Variants in ZDHHC5 observed in about 807,000 individuals in gnomAD.
ZDHHC5 encodes palmitoyltransferase ZDHHC5.
Under a neutral mutation model 70.0 loss-of-function variants are expected in ZDHHC5, and 22 were observed. That is an observed-to-expected ratio of 0.31 (90% confidence interval 0.22 to 0.45). The LOEUF (loss-of-function observed/expected upper bound fraction) is 0.45. Among genes scored for constraint, ZDHHC5 ranks in the 20% least tolerant of loss-of-function variants. The probability of loss-of-function intolerance (pLI) is 1.00; values close to 1 mark genes in which losing one functional copy is unlikely to be tolerated. For synonymous variants in ZDHHC5, 313 were observed against 347.8 expected (o/e 0.90, Z 1.11); for missense variants, 746 against 926.9 (o/e 0.80, Z 2.53).
At chr11:57,680,671 A>G (rs1946138384) in intron 2 of ZDHHC5, among the ~76,000 whole-genome samples, 2 of 152,190 alleles carry the variant, frequency 1.3e-5, no homozygotes, top group South Asian at 4.1e-4. Flanking sequence ...TTGAAGTGAC[A>G]ACTTAGTACT....
intron 4 of ZDHHC5, among the ~76,000 whole-genome samples, chr11:57,689,630 C>A (rs1946254820): frequency 2.0e-5 from 3 of 151,882 alleles, no homozygotes; most frequent in Non-Finnish European, 2.9e-5. Context: ...CCCGCCTCGG[C>A]CTCTCAAAGT....
intron 1 of ZDHHC5, among the ~76,000 whole-genome samples, chr11:57,670,547 C>G (rs143513329): frequency 6.6e-6 from 1 of 151,958 alleles, no homozygotes; most frequent in East Asian, 1.9e-4. Flanking sequence ...GCCTACATTC[C>G]AAATGTTAGG....
intron 3 of ZDHHC5, among the ~76,000 whole-genome samples, chr11:57,686,245 C>T (rs561437530): frequency 6.6e-6 from 1 of 152,158 alleles, no homozygotes; most frequent in Admixed American, 6.5e-5. Flanking sequence ...CACAGCACTC[C>T]AGCCTGGGTG....
chr11:57,691,348 T>TTTTA (rs918733185), intron 6 of ZDHHC5, among the ~76,000 whole-genome samples: 29 of 152,064 alleles, frequency 1.9e-4, no homozygotes, highest in African/African-American at 3.9e-4. Context: ...CTAAAATATC[T>TTTTA]TTTATTTATT....
At chr11:57,680,560 C>G (rs10896636) in intron 2 of ZDHHC5, among the ~76,000 whole-genome samples, 39,507 of 152,098 alleles carry the variant, frequency 0.26, 6,013 homozygotes, top group Non-Finnish European at 0.35. Flanking sequence ...ATCATGGGCA[C>G]CTCAGTGTTC....
At chr11:57,675,851 T>C (rs941755447) in intron 2 of ZDHHC5, among the ~76,000 whole-genome samples, 1 of 152,216 alleles carries the variant, frequency 6.6e-6, no homozygotes, top group Admixed American at 6.5e-5. Context: ...TTCAGTTCCC[T>C]GGAGAATCCC....
At chr11:57,687,685 G>T (rs1204216800) in intron 3 of ZDHHC5, among the ~76,000 whole-genome samples, 1 of 150,382 alleles carries the variant, frequency 6.6e-6, no homozygotes, top group Non-Finnish European at 1.5e-5. Flanking sequence ...ATTTATGCTT[G>T]TGCAACAAAT....
intron 6 of ZDHHC5, among the ~76,000 whole-genome samples, chr11:57,692,285 T>C (rs555174230): frequency 2.9e-4 from 44 of 152,308 alleles, no homozygotes; most frequent in African/African-American, 1.1e-3. Context: ...CCTCCCAAAG[T>C]GCTGGGATTA....
chr11:57,681,241 C>G (rs1414176227), intron 2 of ZDHHC5, among the ~76,000 whole-genome samples: 1 of 152,090 alleles, frequency 6.6e-6, no homozygotes, highest in East Asian at 1.9e-4. Flanking sequence ...GTGCAGATAC[C>G]TTTTCTTCAC....
At chr11:57,678,221 T>C (rs1704072157) in intron 2 of ZDHHC5, among the ~76,000 whole-genome samples, 1 of 152,150 alleles carries the variant, frequency 6.6e-6, no homozygotes, top group Admixed American at 6.5e-5. Flanking sequence ...GGTGGAATAA[T>C]TGATGATGAT....
intron 3 of ZDHHC5, among the ~76,000 whole-genome samples, chr11:57,685,854 CCTGT>C (rs1946202190): frequency 6.6e-6 from 1 of 151,616 alleles, no homozygotes; most frequent in African/African-American, 2.4e-5. Flanking sequence ...ATGGAGAAAC[CCTGT>C]CTCTACTAAA....
At position 57,672,740 on chromosome 11, in the gene ZDHHC5, T is replaced by C; in HGVS notation, c.-351T>C. ...TCCATGAGCTGTATCTTGATCTGTC[T>C]GACTGTCCATGTTTTCCACCTGCAA... On this transcript the variant is annotated 5_prime_UTR_variant, in exon 2 of 12. Coordinates refer to ENST00000287169, the MANE Select transcript of ZDHHC5 (RefSeq NM_015457.3). 1 of 234,470 alleles carries C rather than the reference T, an allele frequency of 4.3e-6. No individual in the cohort carries two copies. The highest frequency in any genetic ancestry group is 6.8e-5 in the South Asian group (1 of 14,644). 14.5% of individuals were successfully genotyped at this position (234,470 alleles called of 1,614,324 possible).
In ZDHHC5 at chr11:57,684,086, C is replaced by T. The variant is rs1019116273; in HGVS notation, c.226+1543C>T. Among the ~76,000 whole-genome samples the T allele has an allele frequency of 1.6e-4, 24 of 151,952 alleles. 1 individual carries two copies. Among genetic ancestry groups the T allele is most frequent in the African/African-American group, 5.3e-4 (22 of 41,422 alleles). On this transcript the variant is annotated intron_variant, in intron 3 of 11. Transcript: ENST00000287169. ...CCCCCCTGGCTCAGGTGATCTCCCA[C>T]CTCAGCCTCCAGAATTGCTGGGACT...
intron 6 of ZDHHC5, among the ~76,000 whole-genome samples, chr11:57,691,244 G>A (rs1186694555): frequency 6.6e-6 from 1 of 151,994 alleles, no homozygotes; most frequent in Non-Finnish European, 1.5e-5. Context: ...ACTAATTTTT[G>A]TATTTTTAGT....
chr11:57,676,737 TA>T (rs1395195996), intron 2 of ZDHHC5, among the ~76,000 whole-genome samples: 1 of 152,080 alleles, frequency 6.6e-6, no homozygotes, highest in Non-Finnish European at 1.5e-5. Flanking sequence ...ATCGCCTCTT[TA>T]CCGTGTAGGA....
chr11:57,691,205 G>C (rs1448078969), intron 6 of ZDHHC5, among the ~76,000 whole-genome samples: 2 of 152,104 alleles, frequency 1.3e-5, no homozygotes, highest in Non-Finnish European at 2.9e-5. Flanking sequence ...CCAAGTAGCT[G>C]AGATTACAGA....
chr11:57,692,837 C>CT, intron 7 of ZDHHC5, 135 bp downstream of exon 7: 1 of 823,802 alleles, frequency 1.2e-6, no homozygotes, highest in Non-Finnish European at 1.9e-6. Flanking sequence ...AGTACCCACT[C>CT]TATCTTAGAA....
intron 3 of ZDHHC5, among the ~76,000 whole-genome samples, chr11:57,686,199 C>T (rs971251062): frequency 6.6e-6 from 1 of 152,076 alleles, no homozygotes; most frequent in African/African-American, 2.4e-5. Flanking sequence ...TCAGTTGAGC[C>T]CAGGAGTTCA....
At chr11:57,683,159 G>A (rs1188161253) in intron 3 of ZDHHC5, among the ~76,000 whole-genome samples, 4 of 152,186 alleles carry the variant, frequency 2.6e-5, no homozygotes, top group Non-Finnish European at 5.9e-5. Context: ...GTTATGCATG[G>A]TGTGACCAGA....
Sources: gnomAD v4.1 joint callset for allele counts (sites outside exome capture counted in the v4.1 genomes callset) on GRCh38, gnomAD v4.1.1 for gene constraint, MANE v1.5 for transcripts, NCBI Gene and HGNC (gene_info 2026-07-23, HGNC 2026-07-21) for gene names.